Variants in SF3B3 observed in about 807,000 individuals in gnomAD.
The protein encoded by SF3B3 is splicing factor 3b subunit 3, also known as SAP 130.
SF3B3 carries 33 observed loss-of-function variants against 139.2 expected under a neutral mutation model. The ratio of observed to expected loss-of-function variants is 0.24; its 90% CI spans 0.18 to 0.32. The LOEUF (loss-of-function observed/expected upper bound fraction) is 0.32. Among genes scored for constraint, SF3B3 ranks in the 10% least tolerant of loss-of-function variants. The pLI, the probability that SF3B3 is intolerant of heterozygous loss-of-function variation, is 1.00. For missense variants in SF3B3, 818 were observed against 1,509.4 expected (o/e 0.54, Z 7.59); for synonymous variants, 596 against 563.6 (o/e 1.06, Z -0.81).
At chr16:70,554,210 T>G in intron 11 of SF3B3, 3 of 402,324 alleles carry the variant, frequency 7.5e-6, no homozygotes, top group Non-Finnish European at 1.4e-5. Flanking sequence ...TCTCACTTCT[T>G]TAGCAGATGT....
chr16:70,568,745 G>A (rs372709679), intron 22 of SF3B3, among the ~76,000 whole-genome samples: 14 of 152,244 alleles, frequency 9.2e-5, no homozygotes, highest in African/African-American at 3.4e-4. Flanking sequence ...TGAGCTAATG[G>A]CTAATATTTC....
chr16:70,530,580 A>G (rs2050112133), intron 3 of SF3B3, among the ~76,000 whole-genome samples, 165 bp from the exon 4 acceptor site: 1 of 152,124 alleles, frequency 6.6e-6, no homozygotes, highest in African/African-American at 2.4e-5. Flanking sequence ...CAGCCTCCCA[A>G]AGTGCTATTC....
At chr16:70,538,849 TG>T (rs2050192841) in intron 7 of SF3B3, among the ~76,000 whole-genome samples, 1 of 152,232 alleles carries the variant, frequency 6.6e-6, no homozygotes, top group South Asian at 2.1e-4. Context: ...AACATTTTTT[TG>T]TAAAGGCCAC....
chr16:70,550,946 C>A (rs187037659), intron 11 of SF3B3, among the ~76,000 whole-genome samples: 3 of 152,308 alleles, frequency 2.0e-5, no homozygotes, highest in Admixed American at 2.0e-4. Flanking sequence ...AGCTAGAGAA[C>A]TTTAGCTTCA....
chr16:70,556,222 C>T lies in SF3B3; in HGVS notation c.1754C>T (p.Ala585Val), dbSNP rs758406739. 2.2e-5 allele frequency: 35 copies of T among 1,614,034 alleles called. No individual in the cohort carries two copies. Among genetic ancestry groups the T allele is most frequent in the Non-Finnish European group, 2.9e-5 (34 of 1,180,016 alleles). Residue 585 changes from alanine to valine, a missense_variant, in exon 14 of 26, where the codon GCA becomes GTA. Around this residue, in one of 14 missense-constraint regions of SF3B3, gnomAD observed 170 missense variants for 353.0 expected, o/e 0.48. Transcript: ENST00000302516. ...TACACAGAACGGAAGGAGATGTCAG[C>T]AGATGTGGTGTGCATGAGTCTGGCC... ...NEYTERKEMSADVVCMSLANV... is the reference protein window; with the variant it reads ...NEYTERKEMSVDVVCMSLANV...
At chr16:70,557,939 GTTC>G (rs1182436625) in intron 15 of SF3B3, among the ~76,000 whole-genome samples, 1 of 152,112 alleles carries the variant, frequency 6.6e-6, no homozygotes, top group African/African-American at 2.4e-5. Flanking sequence ...AGTTTTCCCT[GTTC>G]TTCTTTCCCC....
Position 70,571,557 on chromosome 16 carries a change from C to T in SF3B3, c.3514-116C>T, listed in dbSNP as rs1036005741. ...TGCAACCCGGATGATAGGGTGAGAC[C>T]CTGTCTCAAAAACTAAAAAATAAAA... On this transcript the variant is annotated intron_variant, in intron 25 of 25. Transcript: ENST00000302516. The T allele has an allele frequency of 3.7e-6, 4 of 1,093,234 alleles. No homozygotes were observed. In the African/African-American group the frequency reaches 6.4e-5, roughly 17 times the overall value. 67.7% of individuals were successfully genotyped at this position (1,093,234 alleles called of 1,614,324 possible).
At chr16:70,564,850 C>T (rs1408817215) in intron 18 of SF3B3, among the ~76,000 whole-genome samples, 1 of 152,178 alleles carries the variant, frequency 6.6e-6, no homozygotes, top group Admixed American at 6.5e-5. Context: ...TAATATGTAA[C>T]CAGCAATGTC....
chr16:70,526,455 C>G, intron 1 of SF3B3, 132 bp from the exon 2 acceptor site: 1 of 527,338 alleles, frequency 1.9e-6, no homozygotes, highest in Middle Eastern at 3.8e-4. Context: ...AGCCACCACG[C>G]CCGGTCACAT....
rs755291372 is a variant in SF3B3, at chr16:70,565,056, T to C, written c.2464-9T>C. ...ACGCCAACTCAGTTACTCGTTTTTT[T>C]GGGTTTAGGAAATGGTGGAAGCAGC... On this transcript the variant is annotated splice_polypyrimidine_tract_variant and intron_variant, in intron 18 of 25. Coordinates refer to ENST00000302516, the MANE Select transcript of SF3B3 (RefSeq NM_012426.5). The C allele has an allele frequency of 1.2e-6, 2 of 1,612,914 alleles. No homozygotes were observed. The highest frequency in any genetic ancestry group is 2.2e-5 in the South Asian group (2 of 91,028).
chr16:70,573,140 T>C lies in SF3B3; in HGVS notation c.*1327T>C, dbSNP rs2050545696. 6.6e-6 allele frequency: 1 copy of C among 152,214 alleles called. No individual in the cohort carries two copies. The allele number at this position is 152,214 out of a possible 1,614,324, so 9.4% of individuals were successfully genotyped here. A position where few individuals can be genotyped will look rare whatever the true frequency, so the allele number is the denominator to read the frequency against. The stretch of plus-strand genomic sequence containing the variant: ...AACTAAGTATCTCTTGAATCATGAC[T>C]TGGTTTTAGATCAGTCAAGAGAGAC... On this transcript the variant is annotated 3_prime_UTR_variant, in exon 26 of 26. Coordinates refer to ENST00000302516, the MANE Select transcript of SF3B3 (RefSeq NM_012426.5).
chr16:70,563,998 A>G lies in SF3B3; in HGVS notation c.2411A>G (p.His804Arg). The G allele has an allele frequency of 6.2e-7, 1 of 1,614,156 alleles. No homozygotes were observed. The highest frequency in any genetic ancestry group is 8.5e-7 in the Non-Finnish European group (1 of 1,180,026). Residue 804 changes from histidine to arginine, a missense_variant, in exon 18 of 26, where the codon CAC (histidine) becomes CGC (arginine). By Grantham distance (29) the His-to-Arg change is conservative (BLOSUM62 0). Around this residue, in one of 14 missense-constraint regions of SF3B3, gnomAD observed 34 missense variants for 30.5 expected, o/e 1.12. Coordinates refer to ENST00000302516, the MANE Select transcript of SF3B3 (RefSeq NM_012426.5). ...SNNLIIIETDHNAYTEATKAQ... is the reference protein window; with the variant it reads ...SNNLIIIETDRNAYTEATKAQ... ...AACCTTATTATCATTGAAACGGACC[A>G]CAATGCCTACACTGAGGCCACGAAA...
intron 5 of SF3B3, among the ~76,000 whole-genome samples, chr16:70,535,027 A>G (rs762853068): frequency 2.0e-4 from 30 of 152,190 alleles, no homozygotes; most frequent in Admixed American, 1.3e-3. Flanking sequence ...GATTTGATGT[A>G]TTATAGGTCT....
chr16:70,551,529 C>T (rs1358729124), intron 11 of SF3B3, among the ~76,000 whole-genome samples: 1 of 152,010 alleles, frequency 6.6e-6, no homozygotes, highest in Admixed American at 6.6e-5. Flanking sequence ...ATGGAGAAAC[C>T]CTGTCTCTAC....
chr16:70,565,040 C>G (rs2050462858), intron 18 of SF3B3, 25 bp from the exon 19 acceptor site: 5 of 1,611,192 alleles, frequency 3.1e-6, no homozygotes, highest in African/African-American at 2.7e-5. Context: ...CACGCCAACT[C>G]AGTTACTCGT....
intron 5 of SF3B3, 29 bp downstream of exon 5, chr16:70,532,649 C>G: frequency 6.2e-7 from 1 of 1,609,676 alleles, no homozygotes; most frequent in Non-Finnish European, 8.5e-7. Context: ...TGCTTTGTAC[C>G]CTTTTACTTG....
chr16:70,566,298 C>CA (rs1252363635), intron 20 of SF3B3, among the ~76,000 whole-genome samples: 2 of 152,132 alleles, frequency 1.3e-5, no homozygotes, highest in East Asian at 1.9e-4. Context: ...CATGGTGTCT[C>CA]ACGCCTGTAA....
chr16:70,567,530 G>A lies in SF3B3; in HGVS notation c.2946G>A (p.Glu982=), dbSNP rs753263989. Residue 982 remains glutamate (E), a synonymous_variant, in exon 21 of 26, where the codon GAG becomes GAA. Coordinates refer to ENST00000302516, the MANE Select transcript of SF3B3 (RefSeq NM_012426.5). ...AGAAGAAGTTACTCCGAAAATGTGA[G>A]AATAAGGTAAGTGTGCTGGCATTGG... is the stretch of plus-strand genomic sequence containing the variant. ...LGKKKLLRKC[E]NKHIANYISG... The A allele has an allele frequency of 6.2e-7, 1 of 1,613,532 alleles. No individual in the cohort carries two copies. Among genetic ancestry groups the A allele is most frequent in the South Asian group, 1.1e-5 (1 of 90,944 alleles).
Position 70,529,091 on chromosome 16 carries a change from A to T in SF3B3, c.289A>T (p.Asn97Tyr). The T allele has an allele frequency of 6.2e-7, 1 of 1,614,150 alleles. No individual in the cohort carries two copies. Among genetic ancestry groups the T allele is most frequent in the Non-Finnish European group, 8.5e-7 (1 of 1,180,024 alleles). The change falls in exon 3 of 26, where the codon AAT becomes TAT. Residue 97 changes from asparagine (N) to tyrosine (Y), a missense_variant. Physicochemically the swap from Asn to Tyr is moderately radical, Grantham distance 143. Transcript: ENST00000302516. ...TATTTTGGAATACCAGCCATCTAAGAATATGTTTGAGAAGATTCACCAAGA... is the reference window on the plus strand; with the variant it reads ...TATTTTGGAATACCAGCCATCTAAGTATATGTTTGAGAAGATTCACCAAGA... The part of the protein sequence containing the change: ...IVILEYQPSK[N>Y]MFEKIHQETF...
Sources: gnomAD v4.1 joint callset for allele counts (sites outside exome capture counted in the v4.1 genomes callset) on GRCh38, gnomAD v4.1.1 for gene constraint, gnomAD v4.1.1 regional missense constraint, MANE v1.5 for transcripts, NCBI Gene and HGNC (gene_info 2026-07-23, HGNC 2026-07-21) for gene names.